ZNF385B: variants seen among roughly 807,000 people sequenced by gnomAD.
The protein encoded by ZNF385B is zinc finger protein 385B, also known as zinc finger protein 533.
In ZNF385B, 23 loss-of-function variants were observed where a neutral mutation model predicts 39.2. That is an observed-to-expected ratio of 0.59 (90% CI 0.42 to 0.83). The LOEUF (loss-of-function observed/expected upper bound fraction) is 0.83. Ranked by LOEUF, ZNF385B falls within the 40% of genes least tolerant of loss-of-function variation. ZNF385B has a pLI of 0.00. For synonymous variants in ZNF385B, 205 were observed against 222.6 expected, an observed-to-expected ratio of 0.92 and a Z score of 0.70; for missense variants, 552 against 598.9, an observed-to-expected ratio of 0.92 and a Z score of 0.82.
chr2:179,591,562 C>A (rs559817979), intron 3 of ZNF385B, among the ~76,000 whole-genome samples: 71 of 152,232 alleles, frequency 4.7e-4, no homozygotes, highest in African/African-American at 1.7e-3. Context: ...TTAACTTAAT[C>A]TTTTCTAAAC....
At chr2:179,515,251 T>C (rs2058008295) in intron 5 of ZNF385B, among the ~76,000 whole-genome samples, 1 of 152,234 alleles carries the variant, frequency 6.6e-6, no homozygotes, top group South Asian at 2.1e-4. Context: ...AAATTAACTC[T>C]TCTAATAGGC....
chr2:179,734,470 T>C (rs2367799), intron 3 of ZNF385B, among the ~76,000 whole-genome samples: 11,858 of 152,258 alleles, frequency 0.078, 572 homozygotes, highest in Non-Finnish European at 0.11. Flanking sequence ...TTTGATCTTA[T>C]CCATCTGACA....
chr2:179,850,643 A>C (rs908537080), intron 1 of ZNF385B, among the ~76,000 whole-genome samples: 1 of 152,218 alleles, frequency 6.6e-6, no homozygotes, highest in Non-Finnish European at 1.5e-5. Context: ...GGGGGTTAAG[A>C]AACAGCAGCC....
At chr2:179,811,782 C>A (rs1324098460) in intron 1 of ZNF385B, among the ~76,000 whole-genome samples, 3 of 150,828 alleles carry the variant, frequency 2.0e-5, no homozygotes, top group Admixed American at 1.3e-4. Context: ...GCCACACACA[C>A]AAAAAAAAAT....
At position 179,442,933 on chromosome 2, in the gene ZNF385B, TTTTC is replaced by T; in HGVS notation, c.*313_*316del. ...ATACCCATGGAAAAATAGAGAATGG[TTTTC>T]TTTCTTTTTCTTTCTGACCAATACA... is the stretch of plus-strand genomic sequence containing the variant. On this transcript the variant is annotated 3_prime_UTR_variant, in exon 10 of 10. Coordinates refer to ENST00000410066, the MANE Select transcript of ZNF385B (RefSeq NM_152520.6). 4.8e-6 allele frequency: 2 copies of T among 413,894 alleles called. No homozygotes were observed. Among genetic ancestry groups the T allele is most frequent in the Non-Finnish European group, 8.9e-6 (2 of 223,850 alleles). 25.6% of individuals were successfully genotyped at this position (413,894 alleles called of 1,614,324 possible).
chr2:179,776,308 A>C (rs2106515513), intron 1 of ZNF385B, among the ~76,000 whole-genome samples: 1 of 152,294 alleles, frequency 6.6e-6, no homozygotes, highest in South Asian at 2.1e-4. Context: ...TCTGGGCCTG[A>C]GGGAACAGGA....
intron 6 of ZNF385B, among the ~76,000 whole-genome samples, chr2:179,468,305 T>C (rs184900608): frequency 1.1e-4 from 17 of 152,330 alleles, no homozygotes; most frequent in Admixed American, 2.6e-4. Flanking sequence ...CAGCTTTCTC[T>C]TATTTTGTGT....
intron 3 of ZNF385B, among the ~76,000 whole-genome samples, chr2:179,697,775 A>C (rs945440938): frequency 7.2e-5 from 11 of 152,228 alleles, no homozygotes; most frequent in Admixed American, 2.0e-4. Context: ...TGAATTCTGT[A>C]AGGAATGAAA....
intron 3 of ZNF385B, among the ~76,000 whole-genome samples, chr2:179,719,594 T>C (rs888112183): frequency 6.6e-6 from 1 of 152,254 alleles, no homozygotes; most frequent in Non-Finnish European, 1.5e-5. Context: ...AGCAGTGGTT[T>C]GGATTCAGAC....
At chr2:179,852,731 G>A (rs189508037) in intron 1 of ZNF385B, among the ~76,000 whole-genome samples, 4 of 152,150 alleles carry the variant, frequency 2.6e-5, no homozygotes, top group African/African-American at 9.7e-5. Flanking sequence ...CTCCAAGTGT[G>A]GTCTGTCGAT....
intron 3 of ZNF385B, among the ~76,000 whole-genome samples, chr2:179,686,038 C>A (rs762531880): frequency 2.6e-5 from 4 of 152,214 alleles, no homozygotes; most frequent in Non-Finnish European, 2.9e-5. Context: ...CACCACTGCT[C>A]CTTTCAGATA....
chr2:179,690,817 A>G (rs1004404890), intron 3 of ZNF385B, among the ~76,000 whole-genome samples: 1 of 152,220 alleles, frequency 6.6e-6, no homozygotes, highest in Non-Finnish European at 1.5e-5. Context: ...AACAAATGAC[A>G]GTTGTAATTA....
At chr2:179,833,133 G>A (rs757749831) in intron 1 of ZNF385B, among the ~76,000 whole-genome samples, 1 of 152,048 alleles carries the variant, frequency 6.6e-6, no homozygotes, top group African/African-American at 2.4e-5. Context: ...ATGTATAGGT[G>A]TATATATATT....
chr2:179,769,594 G>A lies in ZNF385B; in HGVS notation c.207C>T (p.Asn69=), dbSNP rs61744327. ...NSAAQAQVHS[N]GKSHRKRVKQ... ...TCACTCGTTTGCGGTGGGATTTGCC[G>A]TTGGAATGCACCTGAGCCTGGGCTG... The change falls in exon 3 of 10, where the codon AAC becomes AAT. Residue 69 remains asparagine, a synonymous_variant. Transcript: ENST00000410066. 9,193 of 1,614,136 alleles carry A rather than the reference G, an allele frequency of 5.7e-3. 31 individuals carry two copies. The highest frequency in any genetic ancestry group is 9.1e-3 in the Middle Eastern group (55 of 6,062).
rs112303879 is a variant in ZNF385B at position 179,626,483 on chromosome 2, A to G, written c.299-81514T>C. Among the ~76,000 whole-genome samples, 411 of 152,310 alleles carry G rather than the reference A, an allele frequency of 2.7e-3. 3 individuals are homozygous for G. The highest frequency in any genetic ancestry group is 8.7e-3 in the South Asian group (42 of 4,832). Reference sequence around the variant, plus strand: ...GCAACTCTTCCTTAGAGGGGAAAATACATCCTTAAGTTGTATTCCCAGTAG... The same window carrying G: ...GCAACTCTTCCTTAGAGGGGAAAATGCATCCTTAAGTTGTATTCCCAGTAG... On this transcript the variant is annotated intron_variant, in intron 3 of 9. Coordinates refer to ENST00000410066, the MANE Select transcript of ZNF385B (RefSeq NM_152520.6).
chr2:179,446,260 T>C (rs1914497), intron 7 of ZNF385B, among the ~76,000 whole-genome samples: 100,329 of 152,030 alleles, frequency 0.66, 33,887 homozygotes, highest in East Asian at 0.93. Context: ...ATCTTCATCT[T>C]TGTCACTTCA....
At chr2:179,736,732 G>C (rs1027436994) in intron 3 of ZNF385B, among the ~76,000 whole-genome samples, 1 of 152,146 alleles carries the variant, frequency 6.6e-6, no homozygotes, top group African/African-American at 2.4e-5. Context: ...CACTTTGGAA[G>C]GCCCAGGTGG....
At chr2:179,675,300 C>A (rs1007573368) in intron 3 of ZNF385B, among the ~76,000 whole-genome samples, 1 of 152,154 alleles carries the variant, frequency 6.6e-6, no homozygotes. Context: ...GTAGAGTAGG[C>A]TGAGGAGGAA....
chr2:179,785,916 T>C (rs746324522), intron 1 of ZNF385B, among the ~76,000 whole-genome samples: 5 of 152,170 alleles, frequency 3.3e-5, no homozygotes, highest in African/African-American at 4.8e-5. Context: ...GTGGATAAAT[T>C]GTTATCAAAC....
Sources: allele counts gnomAD v4.1 joint callset (sites outside exome capture counted in the v4.1 genomes callset), GRCh38; gene constraint gnomAD v4.1.1; transcripts MANE v1.5; gene names NCBI Gene and HGNC (gene_info 2026-07-23, HGNC 2026-07-21).